NDUFAF2: variants seen among roughly 807,000 people sequenced by gnomAD.
NDUFAF2 encodes the protein NADH dehydrogenase [ubiquinone] 1 alpha subcomplex assembly factor 2.
NDUFAF2 carries 13 observed loss-of-function variants against 22.8 expected under a neutral mutation model. The ratio of observed to expected loss-of-function variants is 0.57; its 90% confidence interval spans 0.37 to 0.91. The LOEUF (loss-of-function observed/expected upper bound fraction) is 0.91. Ranked by LOEUF, NDUFAF2 falls within the 40% of genes least tolerant of loss-of-function variation. NDUFAF2 has a pLI of 0.01. For missense variants in NDUFAF2, 162 were observed against 195.2 expected, an observed-to-expected ratio of 0.83 and a Z score of 1.01; for synonymous variants, 53 against 64.2, an observed-to-expected ratio of 0.83 and a Z score of 0.84.
intron 1 of NDUFAF2, among the ~76,000 whole-genome samples, chr5:61,005,074 CTA>C (rs1751348332): frequency 6.6e-6 from 1 of 152,100 alleles, no homozygotes; most frequent in Non-Finnish European, 1.5e-5. Context: ...TCTCCTAATG[CTA>C]TCCCTCCCTG....
chr5:61,108,078 A>G (rs1301125445), intron 3 of NDUFAF2, among the ~76,000 whole-genome samples: 1 of 149,084 alleles, frequency 6.7e-6, no homozygotes, highest in Non-Finnish European at 1.5e-5. Context: ...TATGTGCCAC[A>G]TTTTCTTAAT....
At chr5:61,124,343 C>T (rs1417145514) in intron 3 of NDUFAF2, among the ~76,000 whole-genome samples, 1 of 151,852 alleles carries the variant, frequency 6.6e-6, no homozygotes, top group Non-Finnish European at 1.5e-5. Context: ...TCTTTATATA[C>T]TTAATTTCTA....
chr5:61,003,277 C>T (rs1233370334), intron 1 of NDUFAF2, among the ~76,000 whole-genome samples: 1 of 152,066 alleles, frequency 6.6e-6, no homozygotes, highest in Non-Finnish European at 1.5e-5. Context: ...CTAAGAAGGC[C>T]TTTGGAATAT....
At chr5:60,977,710 G>T (rs1435050031) in intron 1 of NDUFAF2, among the ~76,000 whole-genome samples, 1 of 151,878 alleles carries the variant, frequency 6.6e-6, no homozygotes, top group Non-Finnish European at 1.5e-5. Context: ...GGTGGCACAC[G>T]CCTGTAATCC....
At chr5:61,054,251 T>C (rs1469397929) in intron 1 of NDUFAF2, among the ~76,000 whole-genome samples, 1 of 152,150 alleles carries the variant, frequency 6.6e-6, no homozygotes, top group African/African-American at 2.4e-5. Flanking sequence ...CAGTTTGAAG[T>C]GTACAGTTCA....
intron 1 of NDUFAF2, among the ~76,000 whole-genome samples, chr5:60,984,342 A>G (rs1408212595): frequency 1.3e-5 from 2 of 152,136 alleles, no homozygotes; most frequent in Admixed American, 1.3e-4. Flanking sequence ...GTCATCTGCA[A>G]ACAGGGACAA....
intron 3 of NDUFAF2, among the ~76,000 whole-genome samples, chr5:61,107,852 T>A (rs1177945150): frequency 9.8e-5 from 13 of 132,594 alleles, no homozygotes; most frequent in Non-Finnish European, 1.8e-4. Flanking sequence ...GAGTGTGATG[T>A]TGCCCTTCCT....
At chr5:60,951,523 A>C (rs1451910841) in intron 1 of NDUFAF2, among the ~76,000 whole-genome samples, 5 of 152,134 alleles carry the variant, frequency 3.3e-5, no homozygotes, top group Admixed American at 2.6e-4. Context: ...TGATTGTTGA[A>C]TGTCTTGAAT....
chr5:61,077,759 C>T (rs1752387322), intron 2 of NDUFAF2, among the ~76,000 whole-genome samples: 1 of 152,060 alleles, frequency 6.6e-6, no homozygotes, highest in Non-Finnish European at 1.5e-5. Flanking sequence ...GACCTTTGAA[C>T]AAAAGCTTGG....
chr5:61,076,372 C>T (rs1293739970), intron 2 of NDUFAF2, among the ~76,000 whole-genome samples: 1 of 152,174 alleles, frequency 6.6e-6, no homozygotes, highest in East Asian at 1.9e-4. Flanking sequence ...CCGCGCCCGG[C>T]CGTTTTGCAG....
chr5:61,072,825 C>G (rs1752316585), intron 1 of NDUFAF2, among the ~76,000 whole-genome samples: 2 of 152,142 alleles, frequency 1.3e-5, no homozygotes, highest in Admixed American at 6.5e-5. Context: ...TGATCTTGAA[C>G]TCCTGAGCTC....
At chr5:61,011,950 A>G (rs745736190) in intron 1 of NDUFAF2, among the ~76,000 whole-genome samples, 1 of 152,150 alleles carries the variant, frequency 6.6e-6, no homozygotes, top group African/African-American at 2.4e-5. Context: ...TTCTAGCTCC[A>G]TTAATCTACT....
intron 1 of NDUFAF2, among the ~76,000 whole-genome samples, chr5:61,063,289 G>A (rs147215826): frequency 2.0e-5 from 3 of 151,936 alleles, no homozygotes; most frequent in African/African-American, 7.2e-5. Context: ...CTTGAGTCCA[G>A]GAGTTTGGGA....
At chr5:61,128,426 G>T (rs2111808993) in intron 3 of NDUFAF2, among the ~76,000 whole-genome samples, 1 of 152,258 alleles carries the variant, frequency 6.6e-6, no homozygotes, top group African/African-American at 2.4e-5. Context: ...AACCAAAACA[G>T]CATGGTACTG....
intron 1 of NDUFAF2, among the ~76,000 whole-genome samples, chr5:60,957,175 G>T (rs796509628): frequency 2.6e-4 from 39 of 152,152 alleles, no homozygotes; most frequent in African/African-American, 8.7e-4. Context: ...TTAAAATATA[G>T]TAGAGAGAAT....
At chr5:61,096,984 A>T (rs1752652370) in intron 2 of NDUFAF2, among the ~76,000 whole-genome samples, 1 of 152,172 alleles carries the variant, frequency 6.6e-6, no homozygotes, top group Non-Finnish European at 1.5e-5. Context: ...AGAAGGAAAC[A>T]GAATGCAGAA....
intron 1 of NDUFAF2, among the ~76,000 whole-genome samples, chr5:60,975,230 T>G (rs1047322971): frequency 6.6e-6 from 1 of 152,170 alleles, no homozygotes; most frequent in Non-Finnish European, 1.5e-5. Flanking sequence ...GATATTGTGT[T>G]ACGACACTCC....
At chr5:61,059,182 ATCT>A (rs764475722) in intron 1 of NDUFAF2, among the ~76,000 whole-genome samples, 2 of 152,054 alleles carry the variant, frequency 1.3e-5, no homozygotes, top group Non-Finnish European at 2.9e-5. Flanking sequence ...TTAATTATAA[ATCT>A]TCTTAGATTA....
chr5:61,140,417 G>T (rs1741033694), intron 3 of NDUFAF2, among the ~76,000 whole-genome samples: 1 of 152,032 alleles, frequency 6.6e-6, no homozygotes, highest in South Asian at 2.1e-4. Context: ...AATTTCTATA[G>T]TTGCCAGAGT....
Sources: gnomAD v4.1 joint callset for allele counts (sites outside exome capture counted in the v4.1 genomes callset) on GRCh38, gnomAD v4.1.1 for gene constraint, MANE v1.5 for transcripts, NCBI Gene and HGNC (gene_info 2026-07-23, HGNC 2026-07-21) for gene names.